ACACA: variants seen among roughly 807,000 people sequenced by gnomAD.
ACACA encodes the protein acetyl-CoA carboxylase alpha.
Under a neutral mutation model 296.1 loss-of-function variants are expected in ACACA, and 103 were observed. The ratio of observed to expected loss-of-function variants is 0.35; its 90% CI spans 0.30 to 0.41. The LOEUF (loss-of-function observed/expected upper bound fraction) is 0.41. ACACA is among the 10% of genes least tolerant of loss of function. The probability of loss-of-function intolerance (pLI) is 1.00; values close to 1 mark genes in which losing one functional copy is unlikely to be tolerated. For synonymous variants in ACACA, 953 were observed against 1,038.6 expected (o/e 0.92, Z 1.58); for missense variants, 1,554 against 2,989.7 (o/e 0.52, Z 11.20).
At chr17:37,184,414 T>C (rs2144945551) in intron 39 of ACACA, among the ~76,000 whole-genome samples, 1 of 152,368 alleles carries the variant, frequency 6.6e-6, no homozygotes, top group African/African-American at 2.4e-5. Flanking sequence ...TGCCCCTTGC[T>C]AGTCAAAGCT....
chr17:37,284,387 A>G (rs1202611017), intron 4 of ACACA, among the ~76,000 whole-genome samples: 4 of 152,154 alleles, frequency 2.6e-5, no homozygotes, highest in Non-Finnish European at 4.4e-5. Flanking sequence ...AAGCTAATCA[A>G]TTCTTCATAC....
At chr17:37,311,545 T>C (rs1050173722) in intron 3 of ACACA, among the ~76,000 whole-genome samples, 1 of 152,074 alleles carries the variant, frequency 6.6e-6, no homozygotes. Context: ...ATTTTCTTAA[T>C]AAAATAATGT....
At position 37,241,660 on chromosome 17, in the gene ACACA, T is replaced by C. The variant is rs541798740; in HGVS notation, c.3032+293A>G. On this transcript the variant is annotated intron_variant, in intron 23 of 55. Coordinates refer to ENST00000616317, the MANE Select transcript of ACACA (RefSeq NM_198834.3). ...AGGTTGAGGCTGCAATGAGCCATGA[T>C]TGAGCCACTGCACTCCAGTCGGGGC... Among the ~76,000 whole-genome samples, 11 of 152,254 alleles carry C rather than the reference T, an allele frequency of 7.2e-5. No homozygotes were observed. The East Asian group carries it at 1.7e-3, about 24-fold the overall frequency.
intron 30 of ACACA, among the ~76,000 whole-genome samples, chr17:37,208,662 T>C (rs1296413671): frequency 6.6e-6 from 1 of 152,200 alleles, no homozygotes; most frequent in African/African-American, 2.4e-5. Context: ...TGAACTGATT[T>C]GCTCAATCTA....
chr17:37,161,191 G>T (rs1443212971), intron 42 of ACACA, among the ~76,000 whole-genome samples: 2 of 152,194 alleles, frequency 1.3e-5, no homozygotes, highest in African/African-American at 4.8e-5. Context: ...GAGCAGTATG[G>T]GTATGGCACA....
chr17:37,365,650 C>T, intron 1 of ACACA: 1 of 985,408 alleles, frequency 1.0e-6, no homozygotes, highest in Non-Finnish European at 1.2e-6. Flanking sequence ...TCTCTTTGCT[C>T]TTGTTAATCA....
intron 25 of ACACA, among the ~76,000 whole-genome samples, chr17:37,228,970 C>T (rs956941767): frequency 5.9e-5 from 9 of 152,028 alleles, no homozygotes; most frequent in Middle Eastern, 6.8e-3. Context: ...GGTTGAAACC[C>T]GTCTCTACTA....
intron 3 of ACACA, among the ~76,000 whole-genome samples, chr17:37,324,409 C>T (rs1245042020): frequency 6.6e-6 from 1 of 150,914 alleles, no homozygotes; most frequent in African/African-American, 2.4e-5. Context: ...CTCACGCCCA[C>T]CCATACTCCC....
intron 52 of ACACA, among the ~76,000 whole-genome samples, chr17:37,106,648 G>A (rs185586849): frequency 4.6e-5 from 7 of 152,306 alleles, no homozygotes; most frequent in Non-Finnish European, 7.3e-5. Flanking sequence ...TCAGGGAACA[G>A]CACAGAATTC....
intron 1 of ACACA, among the ~76,000 whole-genome samples, chr17:37,365,157 C>A (rs1156332151): frequency 6.6e-6 from 1 of 152,122 alleles, no homozygotes; most frequent in African/African-American, 2.4e-5. Context: ...CAGAGTCTCA[C>A]TATATTGGCC....
intron 41 of ACACA, among the ~76,000 whole-genome samples, chr17:37,173,995 TATATATATATATATATA>T (rs1180834914): frequency 0.014 from 130 of 9,330 alleles, 9 homozygotes; most frequent in African/African-American, 0.075. Context: ...TATATATATA[TATATATATATATATATA>T]TATATATATT....
At chr17:37,232,554 G>A (rs1302358773) in intron 25 of ACACA, among the ~76,000 whole-genome samples, 1 of 152,168 alleles carries the variant, frequency 6.6e-6, no homozygotes, top group Non-Finnish European at 1.5e-5. Flanking sequence ...AAAAGAGGAA[G>A]ACATGTCTGG....
chr17:37,171,539 T>C (rs998608327), intron 41 of ACACA, among the ~76,000 whole-genome samples: 3 of 152,204 alleles, frequency 2.0e-5, no homozygotes, highest in African/African-American at 7.2e-5. Context: ...TGGAAAGGCA[T>C]TGACATATTT....
At chr17:37,262,153 G>C (rs1253984072) in intron 11 of ACACA, among the ~76,000 whole-genome samples, 1 of 152,176 alleles carries the variant, frequency 6.6e-6, no homozygotes, top group Admixed American at 6.5e-5. Context: ...CACAGATTAT[G>C]AAATGCCCTC....
intron 38 of ACACA, among the ~76,000 whole-genome samples, chr17:37,189,716 G>C (rs150630123): frequency 1.1e-4 from 16 of 152,314 alleles, no homozygotes; most frequent in Non-Finnish European, 2.4e-4. Flanking sequence ...ATTAGTCCCA[G>C]AATGCTTAGG....
At chr17:37,129,070 G>C (rs974943400) in intron 47 of ACACA, among the ~76,000 whole-genome samples, 6 of 152,136 alleles carry the variant, frequency 3.9e-5, no homozygotes, top group African/African-American at 1.4e-4. Flanking sequence ...TAAAGTCTTT[G>C]AACCCATTAA....
At chr17:37,258,077 T>C in intron 13 of ACACA, 135 bp downstream of exon 13, 2 of 1,222,640 alleles carry the variant, frequency 1.6e-6, no homozygotes, top group Non-Finnish European at 2.3e-6. Flanking sequence ...AACCATTTAC[T>C]TATCTGCTCT....
intron 10 of ACACA, among the ~76,000 whole-genome samples, chr17:37,268,589 G>A (rs2081901172): frequency 6.6e-6 from 1 of 151,924 alleles, no homozygotes; most frequent in South Asian, 2.1e-4. Flanking sequence ...ATATCTAGGG[G>A]AAAAGTAGCC....
intron 9 of ACACA, among the ~76,000 whole-genome samples, chr17:37,272,280 T>C: frequency 6.6e-6 from 1 of 151,916 alleles, no homozygotes; most frequent in Non-Finnish European, 1.5e-5. Context: ...GAAGTGGAGG[T>C]TGCGGTGAGC....
Sources: gnomAD v4.1 joint callset for allele counts (sites outside exome capture counted in the v4.1 genomes callset) on GRCh38, gnomAD v4.1.1 for gene constraint, MANE v1.5 for transcripts, NCBI Gene and HGNC (gene_info 2026-07-23, HGNC 2026-07-21) for gene names.